The following ZNF608 variants were observed in gnomAD, a reference collection of about 807,000 sequenced individuals.
The protein encoded by ZNF608 is renal carcinoma antigen NY-REN-36.
ZNF608 carries 12 observed loss-of-function variants against 109.0 expected under a neutral mutation model. The observed-to-expected ratio is 0.11, with a 90% CI of 0.07 to 0.18. The LOEUF (loss-of-function observed/expected upper bound fraction) is 0.18. Ranked by LOEUF, ZNF608 falls within the 10% of genes least tolerant of loss-of-function variation. The pLI is 1.00. For synonymous variants in ZNF608, 732 were observed against 717.4 expected (o/e 1.02, Z -0.33); for missense variants, 1,707 against 1,879.3 (o/e 0.91, Z 1.70).
At chr5:124,681,463 TAGAAA>T (rs1381151281) in intron 3 of ZNF608, among the ~76,000 whole-genome samples, 2 of 150,374 alleles carry the variant, frequency 1.3e-5, no homozygotes, top group African/African-American at 2.4e-5. Flanking sequence ...TCTCAAAAAA[TAGAAA>T]AGAAAAGAAA....
At chr5:124,729,662 T>C (rs1414415297) in intron 2 of ZNF608, among the ~76,000 whole-genome samples, 1 of 152,248 alleles carries the variant, frequency 6.6e-6, no homozygotes, top group Non-Finnish European at 1.5e-5. Flanking sequence ...TGTGTGTTTA[T>C]AAATATAAAA....
rs180933003 is a variant in ZNF608, at chr5:124,677,571, A to G, written c.1162+23443T>C. Among the ~76,000 whole-genome samples the G allele has an allele frequency of 3.3e-5, 5 of 152,310 alleles. No individual in the cohort carries two copies. The East Asian group carries it at 7.7e-4, about 23-fold the overall frequency. The stretch of plus-strand genomic sequence containing the variant: ...AAAAAGGGAAAAATACAACTATTAC[A>G]TATCCGTGCAAATCAAAATTCATAG... On this transcript the variant is annotated intron_variant, in intron 3 of 9. Transcript: ENST00000513986.
intron 3 of ZNF608, among the ~76,000 whole-genome samples, chr5:124,694,916 AG>A (rs1208715323): frequency 6.6e-6 from 1 of 152,188 alleles, no homozygotes; most frequent in Non-Finnish European, 1.5e-5. Flanking sequence ...CAGGAAGCCG[AG>A]GGGAAAGTTC....
At chr5:124,698,505 G>A (rs977261377) in intron 3 of ZNF608, among the ~76,000 whole-genome samples, 10 of 152,186 alleles carry the variant, frequency 6.6e-5, no homozygotes, top group Admixed American at 5.2e-4. Context: ...AGAGAAGGCT[G>A]GGGCTGCCAA....
At chr5:124,652,847 T>C (rs985257436) in intron 3 of ZNF608, among the ~76,000 whole-genome samples, 1 of 152,250 alleles carries the variant, frequency 6.6e-6, no homozygotes. Context: ...AGTGCAAATT[T>C]GTATTTTATA....
intron 2 of ZNF608, among the ~76,000 whole-genome samples, chr5:124,724,666 C>T (rs1382617119): frequency 6.6e-6 from 1 of 151,912 alleles, no homozygotes; most frequent in African/African-American, 2.4e-5. Context: ...AATACGTTCT[C>T]TGGGGAAAGT....
At chr5:124,722,576 TACACACACACACACACAC>T (rs10556672) in intron 2 of ZNF608, among the ~76,000 whole-genome samples, 40 of 145,084 alleles carry the variant, frequency 2.8e-4, no homozygotes, top group African/African-American at 6.3e-4. Context: ...ACCCTTAAAA[TACACACACACACACACAC>T]ACACACACAC....
intron 2 of ZNF608, among the ~76,000 whole-genome samples, chr5:124,714,094 T>C (rs1430835816): frequency 6.6e-6 from 1 of 151,996 alleles, no homozygotes; most frequent in Non-Finnish European, 1.5e-5. Flanking sequence ...ACAGACAAGA[T>C]CCCTCCCTTC....
At chr5:124,736,666 G>A (rs889131474) in intron 2 of ZNF608, among the ~76,000 whole-genome samples, 28 of 152,110 alleles carry the variant, frequency 1.8e-4, no homozygotes, top group Admixed American at 1.5e-3. Context: ...TGAACCTTCA[G>A]TGACTAATGC....
intron 3 of ZNF608, among the ~76,000 whole-genome samples, chr5:124,685,262 T>C (rs775406647): frequency 6.6e-6 from 1 of 151,072 alleles, no homozygotes; most frequent in African/African-American, 2.5e-5. Context: ...AATCTTATTA[T>C]GCCTACCAAC....
chr5:124,665,866 C>T (rs1751457764), intron 3 of ZNF608, among the ~76,000 whole-genome samples: 1 of 152,190 alleles, frequency 6.6e-6, no homozygotes, highest in African/African-American at 2.4e-5. Context: ...CTCCCAATAG[C>T]CTGCCAGTGG....
intron 3 of ZNF608, among the ~76,000 whole-genome samples, chr5:124,690,951 ACAC>A (rs1171430050): frequency 3.3e-5 from 5 of 150,598 alleles, no homozygotes; most frequent in Non-Finnish European, 3.0e-5. Flanking sequence ...ACACACACAC[ACAC>A]ATAATGGAAA....
intron 2 of ZNF608, among the ~76,000 whole-genome samples, chr5:124,723,944 T>C (rs939851477): frequency 6.6e-6 from 1 of 152,228 alleles, no homozygotes. Context: ...ATAAATACAA[T>C]GGCTTGTACC....
intron 3 of ZNF608, among the ~76,000 whole-genome samples, chr5:124,699,095 C>T (rs1752951170): frequency 6.6e-6 from 1 of 152,190 alleles, no homozygotes; most frequent in African/African-American, 2.4e-5. Flanking sequence ...GGAAATTACC[C>T]TTACACTTTC....
intron 3 of ZNF608, among the ~76,000 whole-genome samples, chr5:124,669,500 G>T (rs11958542): frequency 1.3e-5 from 2 of 151,938 alleles, no homozygotes; most frequent in African/African-American, 2.4e-5. Flanking sequence ...CAAAACAAAT[G>T]GGCTGTCCCT....
chr5:124,693,993 TGAGAGAGAGTCTCGCTC>T (rs1752730546), intron 3 of ZNF608, among the ~76,000 whole-genome samples: 1 of 139,380 alleles, frequency 7.2e-6, no homozygotes. Context: ...TTTTTTTTTT[TGAGAGAGAGTCTCGCTC>T]TGTTGCCCAG....
intron 2 of ZNF608, among the ~76,000 whole-genome samples, chr5:124,737,660 C>T (rs1749212851): frequency 1.3e-5 from 2 of 152,272 alleles, no homozygotes; most frequent in South Asian, 4.1e-4. Context: ...AGGCAAAACC[C>T]ATCATCTTTT....
chr5:124,744,033 CA>C lies in ZNF608; in HGVS notation c.906+50del, dbSNP rs1749533170. 2 of 1,532,720 alleles carry C rather than the reference CA, an allele frequency of 1.3e-6. No individual in the cohort carries two copies. Among genetic ancestry groups the C allele is most frequent in the Non-Finnish European group, 1.8e-6 (2 of 1,141,280 alleles). 94.9% of individuals were successfully genotyped at this position (1,532,720 alleles called of 1,614,324 possible). On this transcript the variant is annotated intron_variant, in intron 2 of 9. Transcript: ENST00000513986. The surrounding 1 kb of genome is among the most constrained non-coding windows in gnomAD (Gnocchi z 4.5). The stretch of plus-strand genomic sequence containing the variant: ...AGAGGCACACCCCCACACACCCACA[CA>C]AATGCACACAGAGGAGAGTAGGACA...
Position 124,714,134 on chromosome 5 carries a change from A to T in ZNF608, c.907-12865T>A, listed in dbSNP as rs527251213. On this transcript the variant is annotated intron_variant, in intron 2 of 9. Coordinates refer to ENST00000513986, the MANE Select transcript of ZNF608 (RefSeq NM_020747.3). Reference sequence around the variant, plus strand: ...AGCTGACAAAGAAGTAAACTTTTTTAAAAAAAACAACATTGTCAATCTATG... The same window carrying T: ...AGCTGACAAAGAAGTAAACTTTTTTTAAAAAAACAACATTGTCAATCTATG... 4.4e-4 allele frequency among the ~76,000 whole-genome samples: 67 copies of T among 151,276 alleles called. 3 individuals carry two copies. The highest frequency in any genetic ancestry group is 2.6e-4 in the Admixed American group (4 of 15,204).
Sources: allele counts gnomAD v4.1 joint callset (sites outside exome capture counted in the v4.1 genomes callset), GRCh38; gene constraint gnomAD v4.1.1; non-coding constraint Gnocchi (gnomAD v3.1); transcripts MANE v1.5; gene names NCBI Gene and HGNC (gene_info 2026-07-23, HGNC 2026-07-21).